The following CPXM2 variants were observed in gnomAD, a reference collection of about 807,000 sequenced individuals.
The protein encoded by CPXM2 is carboxypeptidase X, M14 family member 2.
CPXM2 carries 66 observed loss-of-function variants against 86.1 expected under a neutral mutation model. The ratio of observed to expected loss-of-function variants is 0.77; its 90% CI spans 0.63 to 0.94. The LOEUF is 0.94. CPXM2 is among the 40% of genes least tolerant of loss of function. The pLI is 0.00. For synonymous variants in CPXM2, 388 were observed against 400.2 expected (o/e 0.97, Z 0.36); for missense variants, 948 against 1,026.3 (o/e 0.92, Z 1.04).
At chr10:123,800,347 A>G (rs777421498) in intron 4 of CPXM2, among the ~76,000 whole-genome samples, 2 of 152,100 alleles carry the variant, frequency 1.3e-5, no homozygotes, top group Non-Finnish European at 2.9e-5. Flanking sequence ...TAGAAGCCAG[A>G]ATCGATCACA....
rs117895896 is a variant in CPXM2 at position 123,898,383 on chromosome 10, G to A, written n.175-18074C>T. Among the ~76,000 whole-genome samples the A allele has an allele frequency of 4.7e-3, 720 of 152,308 alleles. 4 individuals are homozygous for A. Among genetic ancestry groups the A allele is most frequent in the Non-Finnish European group, 7.7e-3 (524 of 68,030 alleles). ...GCAAGAAGATCGCTTAAGCCCAGGA[G>A]TTCAAGGCTGTAGTACTCTATAATC... On this transcript the variant is annotated intron_variant and non_coding_transcript_variant, in intron 2 of 19. Transcript: ENST00000368854.
rs144969921 is a variant in CPXM2 at position 123,859,835 on chromosome 10, C to T, written c.513+2779G>A. Among the ~76,000 whole-genome samples the T allele has an allele frequency of 4.8e-3, 734 of 152,322 alleles. 14 individuals are homozygous for T. Among genetic ancestry groups the T allele is most frequent in the Admixed American group, 0.021 (329 of 15,310 alleles). ...CATTCTGCCTGGGGTGGGCCTCTCA[C>T]GGGTGAAAGACTACCTGAAGCCAGG... On this transcript the variant is annotated intron_variant, in intron 3 of 13. Transcript: ENST00000241305.
intron 6 of CPXM2, among the ~76,000 whole-genome samples, chr10:123,790,368 C>A (rs1847178863): frequency 2.0e-5 from 3 of 151,768 alleles, no homozygotes; most frequent in Non-Finnish European, 2.9e-5. Context: ...CAGGATGGAG[C>A]AGGTGACTAG....
intron 3 of CPXM2, among the ~76,000 whole-genome samples, chr10:123,855,975 A>G (rs1193309282): frequency 6.6e-6 from 1 of 152,042 alleles, no homozygotes; most frequent in East Asian, 1.9e-4. Context: ...CATTTCTAAC[A>G]TGGGTGAGAC....
chr10:123,819,371 T>A (rs577190908), intron 4 of CPXM2, among the ~76,000 whole-genome samples: 21 of 152,124 alleles, frequency 1.4e-4, no homozygotes, highest in Non-Finnish European at 2.6e-4. Flanking sequence ...GAAAAAAACA[T>A]GACCTGCTGG....
intron 7 of CPXM2, among the ~76,000 whole-genome samples, chr10:123,778,200 T>C (rs550319588): frequency 1.3e-5 from 2 of 152,368 alleles, no homozygotes; most frequent in East Asian, 3.9e-4. Context: ...CTTCTGTTTC[T>C]CATTTGTTTT....
rs545357092 is a variant in CPXM2, at chr10:123,859,283, C to T, written c.513+3331G>A. Among the ~76,000 whole-genome samples, 12 of 152,318 alleles carry T rather than the reference C, an allele frequency of 7.9e-5. No individual in the cohort carries two copies. In the South Asian group the frequency reaches 1.2e-3, roughly 16 times the overall value. On this transcript the variant is annotated intron_variant, in intron 3 of 13. Coordinates refer to ENST00000241305, the MANE Select transcript of CPXM2 (RefSeq NM_198148.3). ...GTTATTTTTAAACTGCATTTCAAAC[C>T]GTTCTGTGTGGGGAGATGTATTTTT...
intron 2 of CPXM2, among the ~76,000 whole-genome samples, chr10:123,898,356 A>C (rs916276476): frequency 1.3e-5 from 2 of 152,234 alleles, no homozygotes; most frequent in Non-Finnish European, 2.9e-5. Context: ...TGAGAGGCTG[A>C]GGCAAGAAGA....
chr10:123,908,878 A>G (rs1255614952), intron 2 of CPXM2, among the ~76,000 whole-genome samples: 3 of 152,174 alleles, frequency 2.0e-5, no homozygotes, highest in African/African-American at 7.2e-5. Context: ...TGTACAATCA[A>G]CAAACTGTAC....
intron 2 of CPXM2, among the ~76,000 whole-genome samples, chr10:123,933,203 C>A (rs1230639650): frequency 6.6e-6 from 1 of 152,202 alleles, no homozygotes; most frequent in Admixed American, 6.5e-5. Flanking sequence ...GGTCTCCAAC[C>A]ACAATGCCAT....
chr10:123,829,935 C>A, intron 4 of CPXM2, among the ~76,000 whole-genome samples: 1 of 142,596 alleles, frequency 7.0e-6, no homozygotes, highest in Non-Finnish European at 1.5e-5. Context: ...GTTGGGATTT[C>A]CTGGAAGCCA....
intron 2 of CPXM2, among the ~76,000 whole-genome samples, 171 bp from the exon 3 acceptor site, chr10:123,862,894 CT>C (rs1375887592): frequency 6.6e-6 from 1 of 152,206 alleles, no homozygotes; most frequent in Non-Finnish European, 1.5e-5. Flanking sequence ...AGCCAATGTT[CT>C]TTCTTGTTGG....
chr10:123,898,381 G>T (rs549197583), intron 2 of CPXM2, among the ~76,000 whole-genome samples: 14 of 152,190 alleles, frequency 9.2e-5, no homozygotes, highest in Non-Finnish European at 1.5e-4. Flanking sequence ...TTAAGCCCAG[G>T]AGTTCAAGGC....
chr10:123,912,919 T>C (rs897051802), intron 2 of CPXM2, among the ~76,000 whole-genome samples: 4 of 152,194 alleles, frequency 2.6e-5, no homozygotes, highest in Admixed American at 6.5e-5. Flanking sequence ...ACCTTGTGGA[T>C]TTACCTCTCT....
At chr10:123,861,143 G>A (rs998828339) in intron 3 of CPXM2, among the ~76,000 whole-genome samples, 6 of 152,128 alleles carry the variant, frequency 3.9e-5, no homozygotes, top group African/African-American at 7.2e-5. Context: ...TACACAGACC[G>A]CTGGGGGAGT....
intron 4 of CPXM2, among the ~76,000 whole-genome samples, chr10:123,827,364 C>T (rs540488664): frequency 6.6e-6 from 1 of 152,162 alleles, no homozygotes; most frequent in African/African-American, 2.4e-5. Flanking sequence ...CAAAGATTGC[C>T]CACCAAAAGT....
chr10:123,867,151 A>G (rs1278042463), intron 2 of CPXM2, among the ~76,000 whole-genome samples: 1 of 152,232 alleles, frequency 6.6e-6, no homozygotes, highest in Non-Finnish European at 1.5e-5. Flanking sequence ...TTAAGCATAA[A>G]GTAGTCTAAG....
In CPXM2 at chr10:123,762,163, C is replaced by T. The variant is rs753796864; in HGVS notation, c.1486G>A (p.Ala496Thr). ...WFLSENATVA[A>T]ETRAVIAWME... ...CAGGCTATGACTGCTCTGGTCTCGG[C>T]AGCCACCTGTGAACATCCCAAATGG... The change falls in exon 11 of 14, where the codon GCC becomes ACC. Residue 496 changes from alanine (A) to threonine (T), a missense_variant. By Grantham distance (58) the Ala-to-Thr change is moderately conservative (BLOSUM62 0). Transcript: ENST00000241305. 2 of 1,614,122 alleles carry T rather than the reference C, an allele frequency of 1.2e-6. No homozygotes were observed. Among genetic ancestry groups the T allele is most frequent in the South Asian group, 2.2e-5 (2 of 91,082 alleles).
At chr10:123,878,376 A>G (rs940265550) in intron 2 of CPXM2, among the ~76,000 whole-genome samples, 3 of 146,656 alleles carry the variant, frequency 2.0e-5, no homozygotes, top group Non-Finnish European at 4.4e-5. Context: ...TCAATGAACC[A>G]GAGCCGTGAT....
Sources: allele counts gnomAD v4.1 joint callset (sites outside exome capture counted in the v4.1 genomes callset), GRCh38; gene constraint gnomAD v4.1.1; transcripts MANE v1.5; gene names NCBI Gene and HGNC (gene_info 2026-07-23, HGNC 2026-07-21).